HIVEP3: variants seen among roughly 807,000 people sequenced by gnomAD.
HIVEP3 encodes transcription factor HIVEP3.
Under a neutral mutation model 152.8 loss-of-function variants are expected in HIVEP3, and 49 were observed. That is an observed-to-expected ratio of 0.32 (90% CI 0.26 to 0.41). The LOEUF (loss-of-function observed/expected upper bound fraction) is 0.41. Ranked by LOEUF, HIVEP3 falls within the 10% of genes least tolerant of loss-of-function variation. The pLI, the probability that HIVEP3 is intolerant of heterozygous loss-of-function variation, is 1.00. For missense variants in HIVEP3, 2,790 were observed against 3,103.3 expected (o/e 0.90, Z 2.40); for synonymous variants, 1,269 against 1,289.0 (o/e 0.98, Z 0.33).
At chr1:41,629,206 C>T (rs1261602698) in intron 2 of HIVEP3, among the ~76,000 whole-genome samples, 1 of 152,164 alleles carries the variant, frequency 6.6e-6, no homozygotes, top group Non-Finnish European at 1.5e-5. Context: ...GGTGCACAGA[C>T]CCTGCAAAGC....
At chr1:41,811,894 TG>T (rs1057480152) in intron 1 of HIVEP3, among the ~76,000 whole-genome samples, 11 of 151,842 alleles carry the variant, frequency 7.2e-5, no homozygotes, top group Admixed American at 6.5e-4. Flanking sequence ...AATTTACAAC[TG>T]GAAAAAAAAA....
intron 2 of HIVEP3, among the ~76,000 whole-genome samples, chr1:41,644,745 C>A (rs1198891161): frequency 6.6e-5 from 8 of 120,302 alleles, no homozygotes; most frequent in Admixed American, 1.0e-4. Context: ...TAAGCTAGGC[C>A]TTTATCATTC....
rs1353191523 is a variant in HIVEP3 at position 41,544,890 on chromosome 1, A to G, written c.5208-19980T>C. On this transcript the variant is annotated intron_variant, in intron 5 of 8. Transcript: ENST00000372583. The stretch of plus-strand genomic sequence containing the variant: ...CACCACCACCACTACCACCTCTACC[A>G]CCACCATCACCACCACCACTACCAC... Among the ~76,000 whole-genome samples the G allele has an allele frequency of 1.1e-4, 9 of 81,248 alleles. 2 individuals are homozygous for G. The highest frequency in any genetic ancestry group is 3.5e-4 in the Admixed American group (3 of 8,694). 53.3% of individuals were successfully genotyped at this position (81,248 alleles called of 152,430 possible).
At chr1:41,653,751 G>A (rs1270354255) in intron 2 of HIVEP3, among the ~76,000 whole-genome samples, 3 of 152,128 alleles carry the variant, frequency 2.0e-5, no homozygotes. Context: ...GCTAAGCTGT[G>A]TGGCTCAGCA....
chr1:41,582,503 G>A lies in HIVEP3; in HGVS notation c.2295C>T (p.Pro765=). The change falls in exon 4 of 9, where the codon CCC becomes CCT. Residue 765 remains proline (P), a synonymous_variant. Coordinates refer to ENST00000372583, the MANE Select transcript of HIVEP3 (RefSeq NM_024503.5). The surrounding 1 kb of genome is among the most constrained non-coding windows in gnomAD (Gnocchi z 4.7). The part of the protein sequence containing the change: ...KSPAEPSKSV[P]SLEGPTGFQP... ...GGAAGCCCGTGGGTCCCTCCAAGGA[G>A]GGCACTGATTTACTTGGTTCTGCTG... 6.2e-7 allele frequency: 1 copy of A among 1,612,460 alleles called. No individual in the cohort carries two copies. The highest frequency in any genetic ancestry group is 1.3e-5 in the African/African-American group (1 of 74,976).
intron 3 of HIVEP3, among the ~76,000 whole-genome samples, chr1:41,604,003 C>T (rs1330905215): frequency 6.6e-6 from 1 of 152,212 alleles, no homozygotes; most frequent in African/African-American, 2.4e-5. Flanking sequence ...TTCACCATAA[C>T]AGCTAACATG....
chr1:41,743,025 G>A (rs1367249442), intron 1 of HIVEP3, among the ~76,000 whole-genome samples: 1 of 151,884 alleles, frequency 6.6e-6, no homozygotes, highest in Non-Finnish European at 1.5e-5. Context: ...ATGAGATCAT[G>A]TTGTTTTTCT....
chr1:41,904,888 C>T (rs2124458187), intron 1 of HIVEP3, among the ~76,000 whole-genome samples: 1 of 152,322 alleles, frequency 6.6e-6, no homozygotes, highest in Non-Finnish European at 1.5e-5. Flanking sequence ...CCACAAGGGT[C>T]CTTGGCCCTT....
intron 1 of HIVEP3, among the ~76,000 whole-genome samples, chr1:41,753,933 T>G: frequency 1.3e-5 from 2 of 151,506 alleles, no homozygotes; most frequent in Admixed American, 6.6e-5. Flanking sequence ...GGTCAGCGGG[T>G]GGTGGGGGTA....
chr1:41,865,273 A>T (rs996275730), intron 1 of HIVEP3, among the ~76,000 whole-genome samples: 5 of 152,220 alleles, frequency 3.3e-5, no homozygotes, highest in African/African-American at 1.2e-4. Context: ...TGGGACAGAC[A>T]GGAGATCTGG....
At chr1:41,884,352 G>A (rs144355107) in intron 1 of HIVEP3, among the ~76,000 whole-genome samples, 198 of 152,258 alleles carry the variant, frequency 1.3e-3, no homozygotes, top group African/African-American at 4.5e-3. Flanking sequence ...ACTGTTTAGA[G>A]GTCCACTTCC....
intron 1 of HIVEP3, among the ~76,000 whole-genome samples, chr1:41,853,939 G>T (rs1262095096): frequency 6.6e-6 from 1 of 152,118 alleles, no homozygotes; most frequent in African/African-American, 2.4e-5. Context: ...AAGGGAGAAG[G>T]CCAGAGGAGC....
In HIVEP3 at chr1:41,509,041, G is replaced by T. The variant is rs1380902561; in HGVS notation, c.*1410C>A. ...CTGGTCCTATTATTTTTCTTACAAA[G>T]TAGAGTTTTGCCCCAGGAAATGCAG... On this transcript the variant is annotated 3_prime_UTR_variant, in exon 9 of 9. Coordinates refer to ENST00000372583, the MANE Select transcript of HIVEP3 (RefSeq NM_024503.5). 3 of 152,246 alleles carry T rather than the reference G, an allele frequency of 2.0e-5. No individual in the cohort carries two copies. The highest frequency in any genetic ancestry group is 7.2e-5 in the African/African-American group (3 of 41,468). The allele number at this position is 152,246 out of a possible 1,614,324, so 9.4% of individuals were successfully genotyped here. A position where few individuals can be genotyped will look rare whatever the true frequency, so the allele number is the denominator to read the frequency against.
intron 1 of HIVEP3, among the ~76,000 whole-genome samples, chr1:41,975,495 T>C (rs376674046): frequency 2.0e-5 from 3 of 152,252 alleles, no homozygotes; most frequent in African/African-American, 7.2e-5. Context: ...AATCTGGTCA[T>C]TGAGCCCTTG....
intron 1 of HIVEP3, among the ~76,000 whole-genome samples, chr1:41,841,949 C>T (rs952860647): frequency 1.3e-4 from 19 of 151,954 alleles, no homozygotes; most frequent in African/African-American, 4.1e-4. Context: ...AAAACTTAGC[C>T]AGGCGTGGTG....
At chr1:41,528,895 T>C in intron 5 of HIVEP3, among the ~76,000 whole-genome samples, 1 of 93,512 alleles carries the variant, frequency 1.1e-5, no homozygotes, top group African/African-American at 4.3e-5. Context: ...ACACCTTCAC[T>C]CCACACCCCG....
intron 1 of HIVEP3, among the ~76,000 whole-genome samples, chr1:41,736,657 C>T (rs933403474): frequency 5.3e-5 from 8 of 152,190 alleles, no homozygotes; most frequent in African/African-American, 1.2e-4. Context: ...GGAACCAGGG[C>T]GTGCATTTCT....
At position 41,511,973 on chromosome 1, in the gene HIVEP3, G is replaced by A. The variant is rs916357232; in HGVS notation, c.6406-707C>T. Among the ~76,000 whole-genome samples the A allele has an allele frequency of 6.6e-6, 1 of 152,142 alleles. No individual in the cohort carries two copies. The highest frequency in any genetic ancestry group is 6.5e-5 in the Admixed American group (1 of 15,276). On this transcript the variant is annotated intron_variant, in intron 8 of 8. Coordinates refer to ENST00000372583, the MANE Select transcript of HIVEP3 (RefSeq NM_024503.5). The surrounding 1 kb of genome is among the most constrained non-coding windows in gnomAD (Gnocchi z 4.9). ...GATAGTGCTGATGGTTGACAAGGAT[G>A]ATATTGGTTGTGGTGTCTCTGAGAG...
intron 5 of HIVEP3, among the ~76,000 whole-genome samples, chr1:41,534,254 G>A (rs919456351): frequency 6.6e-6 from 1 of 152,068 alleles, no homozygotes; most frequent in African/African-American, 2.4e-5. Flanking sequence ...CCATCGGAGC[G>A]AAGCCCTGCA....
Sources: gnomAD v4.1 joint callset for allele counts (sites outside exome capture counted in the v4.1 genomes callset) on GRCh38, gnomAD v4.1.1 for gene constraint, Gnocchi (gnomAD v3.1) non-coding constraint, MANE v1.5 for transcripts, NCBI Gene and HGNC (gene_info 2026-07-23, HGNC 2026-07-21) for gene names.